STIM2: variants seen among roughly 807,000 people sequenced by gnomAD.
STIM2 encodes the protein stromal interaction molecule 2.
In STIM2, 31 loss-of-function variants were observed where a neutral mutation model predicts 85.8. The ratio of observed to expected loss-of-function variants is 0.36; its 90% CI spans 0.27 to 0.49. The LOEUF (loss-of-function observed/expected upper bound fraction) is 0.49, where lower values mean the gene tolerates loss of function less well. Ranked by LOEUF, STIM2 falls within the 20% of genes least tolerant of loss-of-function variation. STIM2 has a pLI of 0.98. For missense variants in STIM2, 841 were observed against 927.6 expected (o/e 0.91, Z 1.21); for synonymous variants, 356 against 331.1 (o/e 1.08, Z -0.82).
chr4:26,991,886 G>A (rs1727779944), intron 3 of STIM2, among the ~76,000 whole-genome samples: 1 of 151,970 alleles, frequency 6.6e-6, no homozygotes, highest in South Asian at 2.1e-4. Context: ...ACAACTTCAA[G>A]CAGAAACAAT....
At chr4:27,005,393 A>G (rs1728298485) in intron 7 of STIM2, among the ~76,000 whole-genome samples, 1 of 152,242 alleles carries the variant, frequency 6.6e-6, no homozygotes, top group South Asian at 2.1e-4. Flanking sequence ...TTAGGAACTT[A>G]CTGAAGGTTA....
chr4:26,942,923 C>G (rs1330414814), intron 2 of STIM2, among the ~76,000 whole-genome samples: 1 of 152,156 alleles, frequency 6.6e-6, no homozygotes, highest in African/African-American at 2.4e-5. Flanking sequence ...AACATCTCTA[C>G]TTAGATATCT....
chr4:26,872,198 C>T (rs1267710796), intron 1 of STIM2, among the ~76,000 whole-genome samples: 1 of 152,048 alleles, frequency 6.6e-6, no homozygotes, highest in African/African-American at 2.4e-5. Flanking sequence ...TAGTTTGAGG[C>T]AGTTAGTTGA....
intron 3 of STIM2, among the ~76,000 whole-genome samples, chr4:26,991,025 T>C (rs1577483327): frequency 1.3e-5 from 2 of 151,866 alleles, no homozygotes; most frequent in East Asian, 3.9e-4. Context: ...AGTATGGAGG[T>C]TTCTCAAAAA....
chr4:26,867,181 A>G (rs966817846), intron 1 of STIM2, among the ~76,000 whole-genome samples: 7 of 152,214 alleles, frequency 4.6e-5, no homozygotes, highest in Non-Finnish European at 8.8e-5. Context: ...GGCTATTTAT[A>G]TGAAGTTTAA....
chr4:26,999,311 A>G lies in STIM2; in HGVS notation c.589A>G (p.Lys197Glu). Reference sequence around the variant, plus strand: ...GAGTCACAGACAAAAACTTCAGCTCAAGGCATTGGATGTGGTTTTGTTTGG... The same window carrying G: ...GAGTCACAGACAAAAACTTCAGCTCGAGGCATTGGATGTGGTTTTGTTTGG... Residue 197 changes from lysine (K) to glutamate (E), a missense_variant, in exon 5 of 12, where the codon AAG becomes GAG. Transcript: ENST00000467087. 1 of 1,609,188 alleles carries G rather than the reference A, an allele frequency of 6.2e-7. No individual in the cohort carries two copies. The highest frequency in any genetic ancestry group is 8.5e-7 in the Non-Finnish European group (1 of 1,177,462).
At chr4:26,948,514 G>A (rs542372682) in intron 2 of STIM2, among the ~76,000 whole-genome samples, 4 of 152,318 alleles carry the variant, frequency 2.6e-5, no homozygotes, top group African/African-American at 7.2e-5. Context: ...TGAAATCCTA[G>A]TATTTCGGGA....
At chr4:26,981,168 A>G (rs1727374960) in intron 3 of STIM2, among the ~76,000 whole-genome samples, 1 of 152,192 alleles carries the variant, frequency 6.6e-6, no homozygotes, top group South Asian at 2.1e-4. Context: ...CGGACAGGAC[A>G]AATAACTTGA....
chr4:27,002,488 T>C (rs1222105467), intron 6 of STIM2, 94 bp downstream of exon 6: 2 of 924,958 alleles, frequency 2.2e-6, no homozygotes, highest in South Asian at 3.7e-5. Context: ...ACATTTAGGT[T>C]ATTATACACA....
At chr4:26,953,943 TCTC>T (rs1333042781) in intron 2 of STIM2, among the ~76,000 whole-genome samples, 2 of 152,088 alleles carry the variant, frequency 1.3e-5, no homozygotes, top group African/African-American at 2.4e-5. Context: ...TCAGGGTTGT[TCTC>T]CTCTAGGTGA....
At position 26,977,888 on chromosome 4, in the gene STIM2, G is replaced by A. The variant is rs77091094; in HGVS notation, c.398-17491G>A. On this transcript the variant is annotated intron_variant, in intron 3 of 11. Coordinates refer to ENST00000467087, the MANE Select transcript of STIM2 (RefSeq NM_020860.4). ...GAGAGAAGGTGGGGAAGAAATGGCC[G>A]GTGAGATAGGAGGAGAGCCAGGAGA... Among the ~76,000 whole-genome samples, 778 of 152,270 alleles carry A rather than the reference G, an allele frequency of 5.1e-3. 9 individuals carry two copies. The highest frequency in any genetic ancestry group is 0.018 in the African/African-American group (753 of 41,558).
At chr4:26,912,296 T>A (rs2109060485) in intron 1 of STIM2, among the ~76,000 whole-genome samples, 1 of 152,348 alleles carries the variant, frequency 6.6e-6, no homozygotes, top group East Asian at 1.9e-4. Context: ...GTCCTTAGTT[T>A]GTGATTGAGT....
chr4:27,014,764 G>A (rs761498261), intron 10 of STIM2, among the ~76,000 whole-genome samples: 18 of 151,886 alleles, frequency 1.2e-4, no homozygotes, highest in Non-Finnish European at 2.5e-4. Context: ...GCAGAGAGAT[G>A]TTTGTTAAAA....
chr4:26,899,654 C>G (rs560195546), intron 1 of STIM2, among the ~76,000 whole-genome samples: 1 of 152,186 alleles, frequency 6.6e-6, no homozygotes, highest in Admixed American at 6.5e-5. Flanking sequence ...AAAATTCAGT[C>G]ACTGATGAAT....
chr4:26,957,361 G>C (rs1362598919), intron 2 of STIM2, among the ~76,000 whole-genome samples: 1 of 151,982 alleles, frequency 6.6e-6, no homozygotes, highest in African/African-American at 2.4e-5. Context: ...AATAATACCC[G>C]GTAAATAATA....
Position 27,023,588 on chromosome 4 carries a change from T to C in STIM2, c.*592T>C, listed in dbSNP as rs1043853967. The C allele has an allele frequency of 2.0e-5, 3 of 152,354 alleles. No homozygotes were observed. Among genetic ancestry groups the C allele is most frequent in the Non-Finnish European group, 4.4e-5 (3 of 68,100 alleles). 9.4% of individuals were successfully genotyped at this position (152,354 alleles called of 1,614,324 possible). ...TTTAAGTAGAACCTAGGGTTTCTAA[T>C]TGACTTGATTTCTGGAAATGAAAAC... On this transcript the variant is annotated 3_prime_UTR_variant, in exon 12 of 12. Transcript: ENST00000467087.
At position 27,024,896 on chromosome 4, in the gene STIM2, T is replaced by A. The variant is rs1312200241; in HGVS notation, c.*1900T>A. ...GAAAATTGCAAAAGGAATGAGAACT[T>A]TGCAGTTGGATGAATAGAGAAGGGA... On this transcript the variant is annotated 3_prime_UTR_variant, in exon 12 of 12. Transcript: ENST00000467087. 1 of 152,172 alleles carries A rather than the reference T, an allele frequency of 6.6e-6. No homozygotes were observed. The highest frequency in any genetic ancestry group is 2.4e-5 in the African/African-American group (1 of 41,420). 9.4% of individuals were successfully genotyped at this position (152,172 alleles called of 1,614,324 possible). A position where few individuals can be genotyped will look rare whatever the true frequency, so the allele number is the denominator to read the frequency against.
intron 10 of STIM2, among the ~76,000 whole-genome samples, chr4:27,010,912 C>T (rs959028908): frequency 3.3e-5 from 5 of 152,106 alleles, no homozygotes; most frequent in African/African-American, 1.2e-4. Context: ...TTTTCCTATT[C>T]TTAAATATCT....
chr4:26,968,724 G>A (rs1279309357), intron 3 of STIM2, among the ~76,000 whole-genome samples: 12 of 152,248 alleles, frequency 7.9e-5, no homozygotes, highest in African/African-American at 2.6e-4. Flanking sequence ...AAGAGAATGA[G>A]TATGTACAAA....
Sources: allele counts gnomAD v4.1 joint callset (sites outside exome capture counted in the v4.1 genomes callset), GRCh38; gene constraint gnomAD v4.1.1; transcripts MANE v1.5; gene names NCBI Gene and HGNC (gene_info 2026-07-23, HGNC 2026-07-21).